The following LMF1 variants were observed in gnomAD, a reference collection of about 807,000 sequenced individuals.
LMF1 encodes the protein transmembrane protein 112.
A neutral mutation model predicts 60.6 loss-of-function variants in LMF1; 68 were observed. That is an observed-to-expected ratio of 1.12 (90% CI 0.92 to 1.37). The LOEUF is 1.37. Ranked by LOEUF, LMF1 falls within the 40% of genes most tolerant of loss-of-function variation. The pLI is 0.00. For missense variants in LMF1, 948 were observed against 767.2 expected, an observed-to-expected ratio of 1.24 and a Z score of -2.78; for synonymous variants, 418 against 324.7, an observed-to-expected ratio of 1.29 and a Z score of -3.09.
intron 10 of LMF1, among the ~76,000 whole-genome samples, chr16:865,457 T>C (rs2069586611): frequency 6.6e-6 from 1 of 152,086 alleles, no homozygotes; most frequent in South Asian, 2.1e-4. Flanking sequence ...TTCAAGCAAT[T>C]CTCCTGCTCA....
chr16:869,646 T>C, intron 9 of LMF1: 1 of 657,312 alleles, frequency 1.5e-6, no homozygotes, highest in Non-Finnish European at 2.8e-6. Context: ...ATTCCTGGCA[T>C]GAGACACTAC....
intron 10 of LMF1, among the ~76,000 whole-genome samples, chr16:857,037 C>T (rs781075844): frequency 9.9e-5 from 15 of 152,258 alleles, no homozygotes; most frequent in Non-Finnish European, 1.6e-4. Flanking sequence ...GCGGCACGTA[C>T]CCGCGGGGCA....
chr16:858,756 G>C (rs1327578156), intron 10 of LMF1, among the ~76,000 whole-genome samples: 6 of 95,360 alleles, frequency 6.3e-5, no homozygotes, highest in Admixed American at 1.9e-4. Context: ...GGGTGTGACT[G>C]GTGTCACGGG....
upstream of LMF1, among the ~76,000 whole-genome samples, chr16:973,442 G>A (rs548596752): frequency 6.6e-6 from 1 of 152,350 alleles, no homozygotes; most frequent in Non-Finnish European, 1.5e-5. Flanking sequence ...CAGGACAGAC[G>A]CGGAGGTCAT....
intron 4 of LMF1, among the ~76,000 whole-genome samples, chr16:898,355 G>C (rs2070719776): frequency 6.6e-6 from 1 of 152,242 alleles, no homozygotes; most frequent in Non-Finnish European, 1.5e-5. Flanking sequence ...CAGAGCCTAG[G>C]GGACCCACGC....
At chr16:892,424 C>G (rs1458362307) in intron 5 of LMF1, among the ~76,000 whole-genome samples, 14 of 152,222 alleles carry the variant, frequency 9.2e-5, no homozygotes, top group Non-Finnish European at 1.5e-4. Context: ...CCCCAGCCCC[C>G]ACGTGAACAC....
chr16:858,365 CTCGGG>C (rs2069279594), intron 10 of LMF1, among the ~76,000 whole-genome samples: 1 of 57,876 alleles, frequency 1.7e-5, no homozygotes, highest in African/African-American at 1.2e-4. Context: ...GCAGTGGTGT[CTCGGG>C]ACGGGTGTGA....
At chr16:893,332 A>G (rs1465247246) in intron 4 of LMF1, 3 of 592,224 alleles carry the variant, frequency 5.1e-6, no homozygotes, top group East Asian at 7.3e-5. Context: ...CGCCTTCCCC[A>G]ACACTCATTC....
At chr16:963,271 CAT>C (rs1307533997) in intron 1 of LMF1, among the ~76,000 whole-genome samples, 2 of 152,138 alleles carry the variant, frequency 1.3e-5, no homozygotes, top group African/African-American at 4.8e-5. Flanking sequence ...CTCCTAGCAA[CAT>C]AGAGGACACC....
At chr16:969,941 T>C (rs1420271766) in intron 1 of LMF1, among the ~76,000 whole-genome samples, 1 of 152,160 alleles carries the variant, frequency 6.6e-6, no homozygotes, top group East Asian at 1.9e-4. Context: ...GGCCAGGGGA[T>C]CCAGAGGTTT....
chr16:877,107 G>C (rs1178474155), intron 6 of LMF1, among the ~76,000 whole-genome samples: 1 of 152,196 alleles, frequency 6.6e-6, no homozygotes, highest in Non-Finnish European at 1.5e-5. Context: ...CAGGCAGGAG[G>C]AGTGCTCGAG....
At chr16:879,410 T>C (rs2070093551) in intron 6 of LMF1, among the ~76,000 whole-genome samples, 160 bp downstream of exon 6, 1 of 151,848 alleles carries the variant, frequency 6.6e-6, no homozygotes, top group Non-Finnish European at 1.5e-5. Flanking sequence ...AGGGCTGCAG[T>C]GGGGCCCGTG....
chr16:920,151 C>G (rs2071394984), intron 3 of LMF1, among the ~76,000 whole-genome samples: 1 of 152,030 alleles, frequency 6.6e-6, no homozygotes, highest in African/African-American at 2.4e-5. Flanking sequence ...ACAAGACATT[C>G]ACACTGGCCC....
chr16:927,483 C>T (rs1049580881), intron 3 of LMF1, among the ~76,000 whole-genome samples: 3 of 152,260 alleles, frequency 2.0e-5, no homozygotes, highest in Admixed American at 1.3e-4. Flanking sequence ...CTCGGCCTAC[C>T]GGTTGCAGCC....
chr16:936,352 G>C (rs1387188337), intron 2 of LMF1, among the ~76,000 whole-genome samples: 6 of 138,878 alleles, frequency 4.3e-5, no homozygotes, highest in South Asian at 2.4e-4. Context: ...CGTGTGGGCT[G>C]AGGAAGGAGG....
At chr16:892,013 T>C (rs1472972168) in intron 5 of LMF1, among the ~76,000 whole-genome samples, 1 of 152,126 alleles carries the variant, frequency 6.6e-6, no homozygotes, top group Non-Finnish European at 1.5e-5. Context: ...TGGAGACATC[T>C]CAAGAGCCTG....
chr16:946,497 C>T (rs772715216), intron 2 of LMF1, among the ~76,000 whole-genome samples: 7 of 152,222 alleles, frequency 4.6e-5, no homozygotes, highest in Non-Finnish European at 7.3e-5. Flanking sequence ...GCAGGGTGTC[C>T]GCTAAGGCAA....
chr16:893,997 C>A (rs180826244), intron 4 of LMF1, among the ~76,000 whole-genome samples: 2,640 of 151,074 alleles, frequency 0.017, 89 homozygotes, highest in African/African-American at 0.06. Flanking sequence ...GTCCACCCCA[C>A]TGTCCACCCA....
intron 1 of LMF1, among the ~76,000 whole-genome samples, chr16:957,304 A>T (rs4984618): frequency 5.3e-5 from 8 of 152,002 alleles, no homozygotes; most frequent in African/African-American, 1.9e-4. Flanking sequence ...GTAACTGTGC[A>T]TGCTGGTTTG....
Sources: allele counts gnomAD v4.1 joint callset (sites outside exome capture counted in the v4.1 genomes callset), GRCh38; gene constraint gnomAD v4.1.1; transcripts MANE v1.5; gene names NCBI Gene and HGNC (gene_info 2026-07-23, HGNC 2026-07-21).